WWOX: variants seen among roughly 807,000 people sequenced by gnomAD.
WWOX encodes the protein WW domain-containing oxidoreductase.
In WWOX, 69 loss-of-function variants were observed where a neutral mutation model predicts 46.2. That is an observed-to-expected ratio of 1.49 (90% CI 1.23 to 1.82). The LOEUF is 1.82. Among genes scored for constraint, WWOX ranks in the 40% most tolerant of loss-of-function variants. The probability of loss-of-function intolerance (pLI) is 0.00; values close to 1 mark genes in which losing one functional copy is unlikely to be tolerated. For missense variants in WWOX, 919 were observed against 542.6 expected, an observed-to-expected ratio of 1.69 and a Z score of -6.89; for synonymous variants, 359 against 202.6, an observed-to-expected ratio of 1.77 and a Z score of -6.56.
At chr16:78,310,172 C>G (rs2080212972) in intron 5 of WWOX, among the ~76,000 whole-genome samples, 1 of 151,934 alleles carries the variant, frequency 6.6e-6, no homozygotes, top group African/African-American at 2.4e-5. Context: ...AAAAGTAATA[C>G]AGAATTTTCC....
At chr16:78,681,424 A>T (rs2047726484) in intron 8 of WWOX, among the ~76,000 whole-genome samples, 2 of 152,054 alleles carry the variant, frequency 1.3e-5, no homozygotes, top group African/African-American at 4.8e-5. Context: ...AACAAAGGTC[A>T]ATTTTTTTTC....
chr16:78,909,833 G>A (rs2045062981), intron 8 of WWOX, among the ~76,000 whole-genome samples: 1 of 152,130 alleles, frequency 6.6e-6, no homozygotes, highest in African/African-American at 2.4e-5. Context: ...TTACTGTCTG[G>A]GAATCCATAA....
intron 8 of WWOX, among the ~76,000 whole-genome samples, chr16:78,619,817 G>T (rs950809535): frequency 9.2e-5 from 14 of 152,210 alleles, no homozygotes; most frequent in African/African-American, 2.9e-4. Flanking sequence ...GCTGAGGCAG[G>T]AGAATCACTT....
intron 8 of WWOX, among the ~76,000 whole-genome samples, chr16:78,506,863 C>T (rs563299795): frequency 1.6e-3 from 241 of 152,172 alleles, no homozygotes; most frequent in African/African-American, 5.6e-3. Context: ...CAGGCACCTA[C>T]CACCACGCCT....
In WWOX at chr16:78,957,554, G is replaced by T. The variant is rs147551580; in HGVS notation, c.1057-254054G>T. The stretch of plus-strand genomic sequence containing the variant: ...CTACTGCTGCACACCTTTAATCTCG[G>T]GTCTTCTTTCTGGTGAAATACCCGT... On this transcript the variant is annotated intron_variant, in intron 8 of 8. Transcript: ENST00000566780. Among the ~76,000 whole-genome samples, 81 of 152,152 alleles carry T rather than the reference G, an allele frequency of 5.3e-4. No homozygotes were observed. The East Asian group carries it at 0.014, about 27-fold the overall frequency.
intron 8 of WWOX, among the ~76,000 whole-genome samples, chr16:79,172,989 C>G (rs2050730956): frequency 1.3e-5 from 2 of 152,174 alleles, no homozygotes; most frequent in African/African-American, 2.4e-5. Context: ...CCACTGCACT[C>G]CAGGCTGTGT....
chr16:78,705,684 A>T (rs1262187125), intron 8 of WWOX, among the ~76,000 whole-genome samples: 1 of 152,170 alleles, frequency 6.6e-6, no homozygotes, highest in Non-Finnish European at 1.5e-5. Flanking sequence ...TTAGTTATTT[A>T]TTTATTTATT....
intron 6 of WWOX, among the ~76,000 whole-genome samples, chr16:78,387,911 C>G (rs558137342): frequency 1.6e-4 from 25 of 152,170 alleles, no homozygotes; most frequent in African/African-American, 5.3e-4. Flanking sequence ...AAATGACAAG[C>G]TGCCTTTGGG....
At chr16:78,327,727 C>G (rs1039872074) in intron 5 of WWOX, among the ~76,000 whole-genome samples, 34 of 152,092 alleles carry the variant, frequency 2.2e-4, no homozygotes, top group African/African-American at 7.0e-4. Context: ...AGATAGTCTT[C>G]TCCTTCAGAC....
At chr16:78,626,190 G>C (rs562485720) in intron 8 of WWOX, among the ~76,000 whole-genome samples, 12 of 151,800 alleles carry the variant, frequency 7.9e-5, no homozygotes, top group African/African-American at 2.4e-4. Flanking sequence ...GAGTGCAGTG[G>C]CGCGATCTTG....
intron 8 of WWOX, among the ~76,000 whole-genome samples, chr16:78,656,640 C>A (rs750621081): frequency 6.6e-6 from 1 of 152,158 alleles, no homozygotes; most frequent in African/African-American, 2.4e-5. Context: ...CACCTCCCAC[C>A]GGGCCCCTCC....
intron 5 of WWOX, among the ~76,000 whole-genome samples, chr16:78,212,772 C>T (rs1281917561): frequency 6.6e-6 from 1 of 152,144 alleles, no homozygotes; most frequent in Non-Finnish European, 1.5e-5. Context: ...AAAGTAAAAG[C>T]CAACCTCTTG....
chr16:78,732,930 C>G (rs957075168), intron 8 of WWOX, among the ~76,000 whole-genome samples: 2 of 152,164 alleles, frequency 1.3e-5, no homozygotes, highest in African/African-American at 4.8e-5. Context: ...GGCATTTATT[C>G]TGTTGTCACA....
rs557509652 is a variant in WWOX, at chr16:78,911,043, C to G, written c.1057-300565C>G. On this transcript the variant is annotated intron_variant, in intron 8 of 8. Coordinates refer to ENST00000566780, the MANE Select transcript of WWOX (RefSeq NM_016373.4). The stretch of plus-strand genomic sequence containing the variant: ...AAAAAATTAAAAAATGGCTTTCCCA[C>G]AGCCTGTCGACTTCCATCCCCATGT... Among the ~76,000 whole-genome samples the G allele has an allele frequency of 1.1e-3, 164 of 151,490 alleles. 1 individual carries two copies. The highest frequency in any genetic ancestry group is 2.1e-3 in the Non-Finnish European group (144 of 67,518).
At chr16:79,030,775 A>G (rs1358349123) in intron 8 of WWOX, among the ~76,000 whole-genome samples, 1 of 152,090 alleles carries the variant, frequency 6.6e-6, no homozygotes, top group African/African-American at 2.4e-5. Flanking sequence ...GTAAATGCAG[A>G]CTGATATTCT....
intron 8 of WWOX, among the ~76,000 whole-genome samples, chr16:79,194,456 G>C (rs568314247): frequency 6.6e-6 from 1 of 152,144 alleles, no homozygotes; most frequent in South Asian, 2.1e-4. Context: ...GATGAAGAAA[G>C]GTTCTGGTTA....
chr16:79,179,008 G>T (rs2050857335), intron 8 of WWOX, among the ~76,000 whole-genome samples: 1 of 152,316 alleles, frequency 6.6e-6, no homozygotes, highest in African/African-American at 2.4e-5. Flanking sequence ...GCAGTGAGAA[G>T]AATCAGTCTA....
chr16:78,154,112 C>T (rs2034514442), intron 4 of WWOX, among the ~76,000 whole-genome samples: 1 of 152,164 alleles, frequency 6.6e-6, no homozygotes, highest in Non-Finnish European at 1.5e-5. Context: ...AACAACTTGC[C>T]AAGCTCACCA....
intron 8 of WWOX, among the ~76,000 whole-genome samples, chr16:78,508,514 G>T (rs367981972): frequency 6.6e-6 from 1 of 152,056 alleles, no homozygotes; most frequent in Non-Finnish European, 1.5e-5. Flanking sequence ...GGCCAGCCTG[G>T]CCTTGATGTC....
Sources: allele counts gnomAD v4.1 joint callset (sites outside exome capture counted in the v4.1 genomes callset), GRCh38; gene constraint gnomAD v4.1.1; transcripts MANE v1.5; gene names NCBI Gene and HGNC (gene_info 2026-07-23, HGNC 2026-07-21).